Variants in CPVL observed in about 807,000 individuals in gnomAD.
CPVL encodes the protein probable serine carboxypeptidase CPVL.
Under a neutral mutation model 63.7 loss-of-function variants are expected in CPVL, and 51 were observed. The observed-to-expected ratio is 0.80, with a 90% CI of 0.64 to 1.01. CPVL has a LOEUF of 1.01. Among genes scored for constraint, CPVL ranks in the 50% least tolerant of loss-of-function variants. The pLI is 0.00. For synonymous variants in CPVL, 195 were observed against 206.0 expected (o/e 0.95, Z 0.46); for missense variants, 530 against 573.1 (o/e 0.92, Z 0.77).
upstream of CPVL, chr7:29,146,990 C>T (rs1268288908): frequency 3.2e-6 from 5 of 1,550,486 alleles, no homozygotes; most frequent in Non-Finnish European, 4.4e-6. Flanking sequence ...CACTGTCCTG[C>T]CAAGCACTCT....
intron 2 of CPVL, 196 bp from the exon 3 acceptor site, chr7:29,113,018 G>T: frequency 2.1e-6 from 1 of 483,488 alleles, no homozygotes; most frequent in South Asian, 3.9e-5. Flanking sequence ...ATTTAGCCAA[G>T]GATATGTGAA....
chr7:29,113,308 C>G (rs370550491), intron 2 of CPVL, among the ~76,000 whole-genome samples: 2 of 152,084 alleles, frequency 1.3e-5, no homozygotes, highest in South Asian at 2.1e-4. Context: ...AAAAGCCTGT[C>G]ACATCTACTA....
Position 29,146,506 on chromosome 7 carries a change from C to G in CPVL, c.-88G>C. ...GTTGTCCTTGCAGCGCTTCCCAAATCAGGCAGAAGTGAGGCAGCCCCACCC... is the reference window on the plus strand; with the variant it reads ...GTTGTCCTTGCAGCGCTTCCCAAATGAGGCAGAAGTGAGGCAGCCCCACCC... On this transcript the variant is annotated 5_prime_UTR_variant, in exon 1 of 13. Transcript: ENST00000265394. 6.8e-7 allele frequency: 1 copy of G among 1,464,730 alleles called. No individual in the cohort carries two copies. The highest frequency in any genetic ancestry group is 9.0e-7 in the Non-Finnish European group (1 of 1,109,510). The allele number at this position is 1,464,730 out of a possible 1,614,324, so 90.7% of individuals were successfully genotyped here.
rs1281209153 is a variant in CPVL, at chr7:29,195,049, C to A, written c.-448+28G>T. 5.2e-6 allele frequency: 8 copies of A among 1,536,758 alleles called. No individual in the cohort carries two copies. The East Asian group carries it at 2.0e-4, about 39-fold the overall frequency. ...CCGGGTCTCGCCCCACTGCCCTCGC[C>A]CCGCAGCCTGGGATGGACAGAGCCT... On this transcript the variant is annotated intron_variant, in intron 1 of 16. Coordinates refer to the CPVL transcript ENST00000409850.
At chr7:29,067,762 G>T (rs554304718) in intron 9 of CPVL, among the ~76,000 whole-genome samples, 1 of 152,312 alleles carries the variant, frequency 6.6e-6, no homozygotes, top group Non-Finnish European at 1.5e-5. Context: ...TCTCTTATCA[G>T]ATAAGGTATT....
At chr7:29,151,415 C>T (rs767192812), upstream of CPVL, among the ~76,000 whole-genome samples, 1 of 152,110 alleles carries the variant, frequency 6.6e-6, no homozygotes, top group Non-Finnish European at 1.5e-5. Flanking sequence ...TTCAGTTTCC[C>T]TTCGGCTATG....
chr7:29,154,165 C>G (rs969820397), intron 5 of CPVL, among the ~76,000 whole-genome samples: 13 of 152,120 alleles, frequency 8.5e-5, no homozygotes, highest in African/African-American at 2.9e-4. Flanking sequence ...ACAGTTGCCC[C>G]TGGGGAGGAG....
intron 5 of CPVL, among the ~76,000 whole-genome samples, chr7:29,169,426 C>T (rs1796317589): frequency 6.6e-6 from 1 of 151,978 alleles, no homozygotes; most frequent in Non-Finnish European, 1.5e-5. Flanking sequence ...AAAAACTTAC[C>T]ATTAGTGATT....
chr7:29,083,269 C>T (rs1376908051), intron 7 of CPVL, among the ~76,000 whole-genome samples: 1 of 152,250 alleles, frequency 6.6e-6, no homozygotes, highest in Non-Finnish European at 1.5e-5. Context: ...AGCATCTTTA[C>T]AGCCCTTCCT....
intron 1 of CPVL, chr7:29,126,566 G>C (rs1030991408): frequency 2.6e-5 from 4 of 152,108 alleles, no homozygotes; most frequent in African/African-American, 4.8e-5. Flanking sequence ...TGTGTGTTTT[G>C]CCAAAGAAAA....
At chr7:29,029,232 A>C (rs1319360412) in intron 12 of CPVL, among the ~76,000 whole-genome samples, 1 of 150,220 alleles carries the variant, frequency 6.7e-6, no homozygotes, top group East Asian at 1.9e-4. Context: ...CCATTATAGA[A>C]AACAATATGG....
intron 11 of CPVL, among the ~76,000 whole-genome samples, chr7:29,038,986 T>C (rs1584064786): frequency 6.6e-6 from 1 of 152,208 alleles, no homozygotes; most frequent in East Asian, 1.9e-4. Context: ...CTAAGTACCA[T>C]GGGAACAGGT....
chr7:29,015,464 G>C (rs1299157690), intron 12 of CPVL, among the ~76,000 whole-genome samples: 1 of 152,160 alleles, frequency 6.6e-6, no homozygotes, highest in African/African-American at 2.4e-5. Flanking sequence ...TACTGAGTGA[G>C]TTCTCACGAG....
At chr7:29,092,370 CAAAT>C (rs1785906071) in intron 6 of CPVL, among the ~76,000 whole-genome samples, 1 of 152,038 alleles carries the variant, frequency 6.6e-6, no homozygotes, top group South Asian at 2.1e-4. Flanking sequence ...TGTCTCCCTG[CAAAT>C]GCAAAGTTAA....
At chr7:29,117,980 G>T (rs188317986) in intron 2 of CPVL, among the ~76,000 whole-genome samples, 1 of 152,122 alleles carries the variant, frequency 6.6e-6, no homozygotes, top group Non-Finnish European at 1.5e-5. Context: ...TTCCTCCTCC[G>T]AATCTCCAGT....
chr7:29,021,067 A>G (rs1043598689), intron 12 of CPVL, among the ~76,000 whole-genome samples: 39 of 152,242 alleles, frequency 2.6e-4, no homozygotes, highest in African/African-American at 8.9e-4. Flanking sequence ...AGTCCCAGCT[A>G]CTTGGGAGGC....
At position 28,995,412 on chromosome 7, in the gene CPVL, A is replaced by C. The variant is rs889191005; in HGVS notation, c.*360T>G. The C allele has an allele frequency of 9.8e-5, 18 of 184,412 alleles. No homozygotes were observed. The highest frequency in any genetic ancestry group is 1.7e-4 in the Non-Finnish European group (15 of 90,178). 11.4% of individuals were successfully genotyped at this position (184,412 alleles called of 1,614,324 possible). A position where few individuals can be genotyped will look rare whatever the true frequency, so the allele number is the denominator to read the frequency against. ...CATGCCAAACTTCTGTTATTGGCAG[A>C]AAAAGATGTTACAGCTTTGTTTGTT... On this transcript the variant is annotated 3_prime_UTR_variant, in exon 13 of 13. Transcript: ENST00000265394.
intron 1 of CPVL, among the ~76,000 whole-genome samples, chr7:29,131,265 C>T (rs1790665294): frequency 6.6e-6 from 1 of 152,014 alleles, no homozygotes; most frequent in Non-Finnish European, 1.5e-5. Context: ...CATTAGGATA[C>T]ACCGGGTGGC....
At chr7:29,173,234 A>G (rs1012231516) in intron 5 of CPVL, among the ~76,000 whole-genome samples, 1 of 152,116 alleles carries the variant, frequency 6.6e-6, no homozygotes, top group Non-Finnish European at 1.5e-5. Context: ...TAAGGCCAGA[A>G]AGCTAAGCAG....
Sources: allele counts gnomAD v4.1 joint callset (sites outside exome capture counted in the v4.1 genomes callset), GRCh38; gene constraint gnomAD v4.1.1; transcripts MANE v1.5; gene names NCBI Gene and HGNC (gene_info 2026-07-23, HGNC 2026-07-21).